Variants in DEK observed in about 807,000 individuals in gnomAD.
The protein encoded by DEK is protein DEK.
A neutral mutation model predicts 46.8 loss-of-function variants in DEK; 28 were observed. That is an observed-to-expected ratio of 0.60 (90% CI 0.44 to 0.82). The LOEUF is 0.82. DEK is among the 40% of genes least tolerant of loss of function. The pLI is 0.00. For missense variants in DEK, 416 were observed against 430.6 expected (o/e 0.97, Z 0.30); for synonymous variants, 160 against 144.5 (o/e 1.11, Z -0.77).
intron 7 of DEK, among the ~76,000 whole-genome samples, chr6:18,246,759 GTA>G (rs1404114709): frequency 1.3e-5 from 2 of 152,082 alleles, no homozygotes; most frequent in Non-Finnish European, 2.9e-5. Flanking sequence ...AATGAATAGA[GTA>G]TATTTGACTA....
intron 6 of DEK, among the ~76,000 whole-genome samples, chr6:18,250,657 A>G (rs1791337410): frequency 8.1e-6 from 1 of 123,430 alleles, no homozygotes; most frequent in African/African-American, 3.1e-5. Context: ...CATCACGCCC[A>G]GCTAATTTTT....
chr6:18,261,050 G>C (rs1408024330), intron 2 of DEK, among the ~76,000 whole-genome samples: 1 of 151,816 alleles, frequency 6.6e-6, no homozygotes. Context: ...AGGGGAAATG[G>C]GGGGTGGACC....
intron 2 of DEK, among the ~76,000 whole-genome samples, chr6:18,258,606 T>C (rs1027305790): frequency 3.3e-5 from 5 of 152,044 alleles, no homozygotes; most frequent in Non-Finnish European, 7.4e-5. Flanking sequence ...CAGAGTAACA[T>C]TTTACTCACC....
At position 18,249,665 on chromosome 6, in the gene DEK, CTTT is replaced by C. The variant is rs748859851; in HGVS notation, c.745_747del (p.Lys249del). ...AAATATTTTACCTCCTCTTCACTTT[CTTT>C]ATCTTCATCATCTGAAGACTCTTCC... On this transcript the variant is annotated inframe_deletion, in exon 7 of 11. Transcript: ENST00000652689. The C allele has an allele frequency of 6.3e-7, 1 of 1,582,740 alleles. No individual in the cohort carries two copies. Among genetic ancestry groups the C allele is most frequent in the Non-Finnish European group, 8.5e-7 (1 of 1,170,388 alleles).
chr6:18,226,269 T>G, intron 9 of DEK, 27 bp from the exon 10 acceptor site: 1 of 1,323,678 alleles, frequency 7.6e-7, no homozygotes, highest in South Asian at 1.5e-5. Flanking sequence ...GGAAAAATAA[T>G]GTTAAAAGCA....
intron 2 of DEK, among the ~76,000 whole-genome samples, chr6:18,259,487 T>C (rs1432198113): frequency 6.8e-6 from 1 of 147,020 alleles, no homozygotes; most frequent in Non-Finnish European, 1.5e-5. Context: ...GCTCCATTTA[T>C]CTAAAATAAA....
intron 6 of DEK, among the ~76,000 whole-genome samples, 179 bp downstream of exon 6, chr6:18,255,552 C>G (rs1257912591): frequency 6.6e-6 from 1 of 152,116 alleles, no homozygotes; most frequent in Admixed American, 6.5e-5. Flanking sequence ...GCAACATACC[C>G]CTATGGCATC....
chr6:18,226,511 G>C (rs1790130331), intron 9 of DEK, among the ~76,000 whole-genome samples: 2 of 152,234 alleles, frequency 1.3e-5, no homozygotes, highest in African/African-American at 2.4e-5. Flanking sequence ...AGATGTGATG[G>C]CTCACGCCTG....
Position 18,255,644 on chromosome 6 carries a change from C to G in DEK, c.573+87G>C. On this transcript the variant is annotated intron_variant, in intron 6 of 10. Coordinates refer to ENST00000652689, the MANE Select transcript of DEK (RefSeq NM_003472.4). ...GAATGTAGATATGAACGAATACTGA[C>G]AGCAATGCTGTTATTAATCAATTTT... The G allele has an allele frequency of 2.1e-6, 3 of 1,445,710 alleles. No individual in the cohort carries two copies. The East Asian group carries it at 7.0e-5, about 34-fold the overall frequency. The allele number at this position is 1,445,710 out of a possible 1,614,324, so 89.6% of individuals were successfully genotyped here.
chr6:18,264,474 G>C lies in DEK; in HGVS notation c.-99C>G, dbSNP rs765403670. The C allele has an allele frequency of 3.5e-6, 1 of 284,036 alleles. No homozygotes were observed. The highest frequency in any genetic ancestry group is 7.1e-6 in the Non-Finnish European group (1 of 140,902). The allele number at this position is 284,036 out of a possible 1,614,324, so 17.6% of individuals were successfully genotyped here. ...GGCCGACGCCGAGGAGAAGGCGCGC[G>C]GGCCGCTGTCTGGCGTGACGCTCGC... On this transcript the variant is annotated 5_prime_UTR_variant, in exon 1 of 11. Transcript: ENST00000652689.
chr6:18,248,444 TACAA>T (rs536734845), intron 7 of DEK, among the ~76,000 whole-genome samples: 4 of 152,166 alleles, frequency 2.6e-5, no homozygotes, highest in South Asian at 2.1e-4. Context: ...TATATATACA[TACAA>T]ACAAACATGT....
chr6:18,226,877 G>A (rs1197528276), intron 9 of DEK, among the ~76,000 whole-genome samples: 2 of 152,116 alleles, frequency 1.3e-5, no homozygotes, highest in Non-Finnish European at 2.9e-5. Flanking sequence ...GCCTTGAGAT[G>A]CTGTTACTCT....
intron 9 of DEK, among the ~76,000 whole-genome samples, chr6:18,235,360 A>G (rs1326623644): frequency 1.3e-5 from 2 of 152,164 alleles, no homozygotes; most frequent in East Asian, 3.9e-4. Context: ...TTGAACTAAT[A>G]CTATTCCTTT....
intron 2 of DEK, among the ~76,000 whole-genome samples, chr6:18,263,106 A>C (rs754016743): frequency 2.8e-4 from 43 of 152,202 alleles, no homozygotes; most frequent in Non-Finnish European, 5.6e-4. Flanking sequence ...TGAAACAGAC[A>C]CTGCATGCAT....
intron 7 of DEK, among the ~76,000 whole-genome samples, chr6:18,240,473 CAAAAG>C (rs1459241885): frequency 6.6e-6 from 1 of 152,128 alleles, no homozygotes. Flanking sequence ...ATTTACAAAA[CAAAAG>C]AAACAATAGT....
chr6:18,259,526 T>C (rs1791761045), intron 2 of DEK, among the ~76,000 whole-genome samples: 1 of 149,138 alleles, frequency 6.7e-6, no homozygotes, highest in African/African-American at 2.5e-5. Context: ...TAAAGTCAGA[T>C]AAAAGAATAC....
rs1165800791 is a variant in DEK, at chr6:18,239,762, G to A, written c.763-2246C>T. The stretch of plus-strand genomic sequence containing the variant: ...ATGGGACAAGTATCAATGATTTGTC[G>A]TTTTTTTATGACGAACTTAAACTAA... On this transcript the variant is annotated intron_variant, in intron 7 of 10. Transcript: ENST00000652689. 6.6e-5 allele frequency among the ~76,000 whole-genome samples: 10 copies of A among 152,112 alleles called. No individual in the cohort carries two copies. The East Asian group carries it at 1.2e-3, about 18-fold the overall frequency.
chr6:18,247,578 A>T (rs1368643428), intron 7 of DEK, among the ~76,000 whole-genome samples: 1 of 152,196 alleles, frequency 6.6e-6, no homozygotes, highest in Admixed American at 6.6e-5. Flanking sequence ...TATGGGTATA[A>T]ATCAGGTATC....
intron 7 of DEK, among the ~76,000 whole-genome samples, chr6:18,244,175 TA>T (rs763257747): frequency 2.0e-5 from 3 of 152,042 alleles, no homozygotes; most frequent in African/African-American, 7.2e-5. Flanking sequence ...TAAGTTTTTT[TA>T]AAAAAAGAAT....
Sources: gnomAD v4.1 joint callset for allele counts (sites outside exome capture counted in the v4.1 genomes callset) on GRCh38, gnomAD v4.1.1 for gene constraint, MANE v1.5 for transcripts, NCBI Gene and HGNC (gene_info 2026-07-23, HGNC 2026-07-21) for gene names.